The following PRKN variants were observed in gnomAD, a reference collection of about 807,000 sequenced individuals.
The protein encoded by PRKN is E3 ubiquitin-protein ligase parkin.
In PRKN, 56 loss-of-function variants were observed where a neutral mutation model predicts 59.5. The ratio of observed to expected loss-of-function variants is 0.94; its 90% CI spans 0.76 to 1.18. PRKN has a LOEUF of 1.18. PRKN is among the 50% of genes most tolerant of loss of function. PRKN has a pLI of 0.00. For missense variants in PRKN, 657 were observed against 596.4 expected, an observed-to-expected ratio of 1.10 and a Z score of -1.06; for synonymous variants, 250 against 222.1, an observed-to-expected ratio of 1.13 and a Z score of -1.12.
At position 161,575,068 on chromosome 6, in the gene PRKN, A is replaced by G. The variant is rs780450533; in HGVS notation, c.872-5652T>C. 5.1e-4 allele frequency among the ~76,000 whole-genome samples: 78 copies of G among 152,076 alleles called. No homozygotes were observed. Among genetic ancestry groups the G allele is most frequent in the Non-Finnish European group, 1.8e-4 (12 of 68,010 alleles). On this transcript the variant is annotated intron_variant, in intron 7 of 11. Coordinates refer to ENST00000366898, the MANE Select transcript of PRKN (RefSeq NM_004562.3). The surrounding 1 kb of genome is among the most constrained non-coding windows in gnomAD (Gnocchi z 4.6). ...TGCTCTTCTGTCGTGTTTTTCCTCT[A>G]GTTATTAAACCCATCACTCAACTGT...
chr6:162,553,542 C>CAAA lies in PRKN; in HGVS notation c.8-110072_8-110070dup, dbSNP rs57807120. The stretch of plus-strand genomic sequence containing the variant: ...CTCGGTTTACCCAAATGTTTACTAC[C>CAAA]AAAAAAAAAAAAAAACACCCTAAAG... On this transcript the variant is annotated intron_variant, in intron 1 of 11. Coordinates refer to ENST00000366898, the MANE Select transcript of PRKN (RefSeq NM_004562.3). 1.5e-3 allele frequency among the ~76,000 whole-genome samples: 175 copies of CAAA among 114,530 alleles called. 2 individuals carry two copies. In the East Asian group the frequency reaches 0.018, roughly 11 times the overall value. 75.1% of individuals were successfully genotyped at this position (114,530 alleles called of 152,430 possible).
chr6:161,406,982 G>C (rs940331847), intron 9 of PRKN, among the ~76,000 whole-genome samples: 1 of 152,082 alleles, frequency 6.6e-6, no homozygotes, highest in African/African-American at 2.4e-5. Context: ...ATGAGCTTAG[G>C]CCAGCCAAGG....
intron 3 of PRKN, among the ~76,000 whole-genome samples, chr6:162,231,394 A>C (rs1269972394): frequency 6.6e-6 from 1 of 152,234 alleles, no homozygotes; most frequent in African/African-American, 2.4e-5. Flanking sequence ...GCCTAAATAG[A>C]TAAGCATACT....
intron 7 of PRKN, among the ~76,000 whole-genome samples, chr6:161,703,578 A>T (rs1262400352): frequency 2.0e-5 from 3 of 152,174 alleles, no homozygotes; most frequent in African/African-American, 7.2e-5. Context: ...ATTCCCTGAC[A>T]GCCACACGAT....
Position 162,716,786 on chromosome 6 carries a change from G to GCACACACA in PRKN, c.7+10868_7+10875dup, listed in dbSNP as rs67307025. On this transcript the variant is annotated intron_variant, in intron 1 of 11. Coordinates refer to ENST00000366898, the MANE Select transcript of PRKN (RefSeq NM_004562.3). Reference sequence around the variant, plus strand: ...CGCGCGCGCACGCACACACACACGCGCACACACACACACACACACACAGAC... The same window carrying GCACACACA: ...CGCGCGCGCACGCACACACACACGCGCACACACACACACACACACACACACACACAGAC... Among the ~76,000 whole-genome samples, 213 of 148,826 alleles carry GCACACACA rather than the reference G, an allele frequency of 1.4e-3. 3 individuals carry two copies. In the Middle Eastern group the frequency reaches 0.042, roughly 30 times the overall value.
intron 7 of PRKN, among the ~76,000 whole-genome samples, chr6:161,675,145 G>A (rs777850928): frequency 6.6e-6 from 1 of 152,158 alleles, no homozygotes; most frequent in Non-Finnish European, 1.5e-5. Flanking sequence ...TTAATCCCCA[G>A]AACTGAGCAC....
chr6:161,391,131 C>T lies in PRKN; in HGVS notation c.1084-4254G>A, dbSNP rs1786486733. 6.6e-6 allele frequency among the ~76,000 whole-genome samples: 1 copy of T among 152,114 alleles called. No individual in the cohort carries two copies. Among genetic ancestry groups the T allele is most frequent in the Admixed American group, 6.5e-5 (1 of 15,270 alleles). On this transcript the variant is annotated intron_variant, in intron 9 of 11. Transcript: ENST00000366898. The surrounding 1 kb of genome is among the most constrained non-coding windows in gnomAD (Gnocchi z 4.9). The stretch of plus-strand genomic sequence containing the variant: ...TTGCCGGGGAAGAAAGCAGACCTAG[C>T]TCCAACATTTTCACATCCATTCTGC...
intron 8 of PRKN, among the ~76,000 whole-genome samples, chr6:161,565,587 C>G (rs916226269): frequency 6.6e-6 from 1 of 152,152 alleles, no homozygotes; most frequent in Non-Finnish European, 1.5e-5. Context: ...CTCCTGCTGC[C>G]TTTTGAAGAA....
intron 1 of PRKN, among the ~76,000 whole-genome samples, chr6:162,648,696 T>C (rs893347968): frequency 1.3e-5 from 2 of 152,164 alleles, no homozygotes; most frequent in Non-Finnish European, 2.9e-5. Context: ...TTCTCTCTTT[T>C]AAATGTCATC....
At chr6:162,501,757 C>A (rs1445972249) in intron 1 of PRKN, among the ~76,000 whole-genome samples, 2 of 152,064 alleles carry the variant, frequency 1.3e-5, no homozygotes, top group South Asian at 4.2e-4. Context: ...GAGGGCAGAA[C>A]CAACGCTTAC....
intron 7 of PRKN, among the ~76,000 whole-genome samples, chr6:161,771,096 C>T (rs990978874): frequency 6.6e-6 from 1 of 152,036 alleles, no homozygotes; most frequent in African/African-American, 2.4e-5. Flanking sequence ...GTGGCTCATG[C>T]CTGTAATCCC....
chr6:161,986,842 A>T (rs1158387669), intron 5 of PRKN, among the ~76,000 whole-genome samples: 1 of 152,206 alleles, frequency 6.6e-6, no homozygotes, highest in Non-Finnish European at 1.5e-5. Flanking sequence ...CTAGGCAGGG[A>T]AAGTGCAAGA....
At chr6:162,524,758 C>A (rs1408363569) in intron 1 of PRKN, among the ~76,000 whole-genome samples, 1 of 152,084 alleles carries the variant, frequency 6.6e-6, no homozygotes, top group African/African-American at 2.4e-5. Context: ...CTTTTTGATA[C>A]TACATCAAAA....
At chr6:161,725,492 G>C (rs1329261324) in intron 7 of PRKN, among the ~76,000 whole-genome samples, 1 of 152,188 alleles carries the variant, frequency 6.6e-6, no homozygotes, top group East Asian at 1.9e-4. Context: ...GAAGTGATTT[G>C]CTAAAGGCAC....
At chr6:162,529,314 T>C (rs1446827218) in intron 1 of PRKN, among the ~76,000 whole-genome samples, 2 of 152,176 alleles carry the variant, frequency 1.3e-5, no homozygotes, top group Non-Finnish European at 2.9e-5. Context: ...AAAATATCCT[T>C]ACACCTGAAG....
At chr6:162,283,712 G>T (rs999710023) in intron 2 of PRKN, among the ~76,000 whole-genome samples, 1 of 152,090 alleles carries the variant, frequency 6.6e-6, no homozygotes, top group Non-Finnish European at 1.5e-5. Context: ...GTAGAGACAG[G>T]GTTTCGCCAT....
intron 6 of PRKN, among the ~76,000 whole-genome samples, chr6:161,813,340 TC>T (rs1791638984): frequency 6.6e-6 from 1 of 152,138 alleles, no homozygotes; most frequent in African/African-American, 2.4e-5. Flanking sequence ...GGAGGGGATG[TC>T]CCCAGCCTCA....
In PRKN at chr6:161,454,570, G is replaced by C. The variant is rs1789881641; in HGVS notation, c.1084-67693C>G. 6.6e-6 allele frequency among the ~76,000 whole-genome samples: 1 copy of C among 152,096 alleles called. No individual in the cohort carries two copies. The highest frequency in any genetic ancestry group is 1.9e-4 in the East Asian group (1 of 5,182). On this transcript the variant is annotated intron_variant, in intron 9 of 11. Transcript: ENST00000366898. This position sits in a 1 kb window ranked among gnomAD's most constrained non-coding sequence, Gnocchi z 4.6. The stretch of plus-strand genomic sequence containing the variant: ...GTCATGGAAGTTTCTTAATATCTGG[G>C]GTTTTGAAACTGTTAGTTCTTGGAG...
At chr6:162,124,142 A>G (rs1781029152) in intron 4 of PRKN, among the ~76,000 whole-genome samples, 1 of 152,106 alleles carries the variant, frequency 6.6e-6, no homozygotes, top group Non-Finnish European at 1.5e-5. Flanking sequence ...CATTTTGATG[A>G]TCCAAACCCA....
Sources: gnomAD v4.1 joint callset for allele counts (sites outside exome capture counted in the v4.1 genomes callset) on GRCh38, gnomAD v4.1.1 for gene constraint, Gnocchi (gnomAD v3.1) non-coding constraint, MANE v1.5 for transcripts, NCBI Gene and HGNC (gene_info 2026-07-23, HGNC 2026-07-21) for gene names.